Variants in SLC44A1 observed in about 807,000 individuals in gnomAD.
SLC44A1 encodes choline transporter-like protein 1.
A neutral mutation model predicts 79.3 loss-of-function variants in SLC44A1; 26 were observed. The observed-to-expected ratio is 0.33, with a 90% CI of 0.24 to 0.46. The LOEUF (loss-of-function observed/expected upper bound fraction) is 0.46. Ranked by LOEUF, SLC44A1 falls within the 20% of genes least tolerant of loss-of-function variation. SLC44A1 has a pLI of 1.00. For missense variants in SLC44A1, 688 were observed against 798.1 expected, an observed-to-expected ratio of 0.86 and a Z score of 1.66; for synonymous variants, 263 against 286.2, an observed-to-expected ratio of 0.92 and a Z score of 0.82.
Position 105,390,100 on chromosome 9 carries a change from A to G in SLC44A1, c.*1044A>G, listed in dbSNP as rs1230879226. 1.0e-5 allele frequency: 13 copies of G among 1,270,010 alleles called. No individual in the cohort carries two copies. The highest frequency in any genetic ancestry group is 3.1e-5 in the African/African-American group (2 of 65,120). The allele number at this position is 1,270,010 out of a possible 1,614,324, so 78.7% of individuals were successfully genotyped here. A position where few individuals can be genotyped will look rare whatever the true frequency, so the allele number is the denominator to read the frequency against. On this transcript the variant is annotated 3_prime_UTR_variant, in exon 16 of 16. Transcript: ENST00000374720. The stretch of plus-strand genomic sequence containing the variant: ...CTCCTTGGCAATTCATTGAGTATCC[A>G]GAGTTCTACGATGTTTAACTGAAGA...
chr9:105,329,181 C>G (rs1826674910), intron 3 of SLC44A1, among the ~76,000 whole-genome samples: 1 of 152,140 alleles, frequency 6.6e-6, no homozygotes, highest in African/African-American at 2.4e-5. Context: ...CGGCAACACT[C>G]TCTGTGGAAA....
At chr9:105,387,936 T>G (rs1828673688) in intron 15 of SLC44A1, among the ~76,000 whole-genome samples, 1 of 152,214 alleles carries the variant, frequency 6.6e-6, no homozygotes, top group East Asian at 1.9e-4. Flanking sequence ...TATTTTCAGT[T>G]TTGAAATAGT....
At chr9:105,347,214 A>G (rs1827269223) in intron 4 of SLC44A1, among the ~76,000 whole-genome samples, 1 of 151,992 alleles carries the variant, frequency 6.6e-6, no homozygotes, top group African/African-American at 2.4e-5. Context: ...TTCACATTAT[A>G]TTTTAAGATT....
chr9:105,412,971 C>T (rs1052957927), intron 15 of SLC44A1, among the ~76,000 whole-genome samples: 2 of 152,038 alleles, frequency 1.3e-5, no homozygotes, highest in Non-Finnish European at 2.9e-5. Context: ...TTTTCAGAGA[C>T]AAGCCTAGAG....
intron 15 of SLC44A1, among the ~76,000 whole-genome samples, chr9:105,410,103 A>G (rs924631519): frequency 2.0e-5 from 3 of 152,242 alleles, no homozygotes; most frequent in Non-Finnish European, 4.4e-5. Context: ...ATAGACCTAA[A>G]TATAAGAGCT....
intron 1 of SLC44A1, among the ~76,000 whole-genome samples, chr9:105,294,001 T>C (rs1830661965): frequency 6.6e-6 from 1 of 152,154 alleles, no homozygotes; most frequent in African/African-American, 2.4e-5. Context: ...GTGTTACACA[T>C]TGTTCCTCCC....
At chr9:105,289,124 C>T (rs905457282) in intron 1 of SLC44A1, among the ~76,000 whole-genome samples, 3 of 152,092 alleles carry the variant, frequency 2.0e-5, no homozygotes, top group African/African-American at 7.2e-5. Context: ...GCGGTAAGGC[C>T]GTCTGTTCTA....
chr9:105,316,569 A>T (rs1034640819), intron 3 of SLC44A1, among the ~76,000 whole-genome samples: 4 of 152,188 alleles, frequency 2.6e-5, no homozygotes, highest in Non-Finnish European at 5.9e-5. Flanking sequence ...CGATATATAC[A>T]TTACTTGGGT....
At chr9:105,423,697 C>G (rs1299697403) in intron 15 of SLC44A1, among the ~76,000 whole-genome samples, 1 of 152,206 alleles carries the variant, frequency 6.6e-6, no homozygotes, top group East Asian at 1.9e-4. Context: ...AATAGTAACA[C>G]TGTTAAACCA....
At chr9:105,324,307 G>T (rs1384606422) in intron 3 of SLC44A1, among the ~76,000 whole-genome samples, 1 of 151,282 alleles carries the variant, frequency 6.6e-6, no homozygotes, top group Admixed American at 6.6e-5. Context: ...TGGGAGTGCA[G>T]TGGGGTGATC....
intron 2 of SLC44A1, among the ~76,000 whole-genome samples, chr9:105,307,774 T>C (rs1831072243): frequency 6.6e-6 from 1 of 152,252 alleles, no homozygotes; most frequent in Non-Finnish European, 1.5e-5. Context: ...AATGGTATGC[T>C]GATTCACACA....
At position 105,374,541 on chromosome 9, in the gene SLC44A1, A is replaced by G. The variant is rs191970747; in HGVS notation, c.1495-57A>G. 364 of 1,565,446 alleles carry G rather than the reference A, an allele frequency of 2.3e-4. 1 individual carries two copies. Among genetic ancestry groups the G allele is most frequent in the Middle Eastern group, 6.8e-4 (4 of 5,874 alleles). On this transcript the variant is annotated intron_variant, in intron 12 of 15. Coordinates refer to ENST00000374720, the MANE Select transcript of SLC44A1 (RefSeq NM_080546.5). ...TATGTTTTAGCTATGCTCAGTTTCT[A>G]TCTTAACAAAGGAAGTTTCAATTGT...
chr9:105,254,269 G>C (rs188760213), intron 1 of SLC44A1, among the ~76,000 whole-genome samples: 1 of 152,224 alleles, frequency 6.6e-6, no homozygotes, highest in African/African-American at 2.4e-5. Context: ...AGATGGCTAT[G>C]GCTCTTCTTA....
intron 15 of SLC44A1, among the ~76,000 whole-genome samples, chr9:105,428,322 A>G (rs1829348701): frequency 6.6e-6 from 1 of 152,210 alleles, no homozygotes; most frequent in Non-Finnish European, 1.5e-5. Context: ...ACTTATTAAT[A>G]GCTAGAAATA....
chr9:105,249,629 A>G (rs1829534054), intron 1 of SLC44A1, among the ~76,000 whole-genome samples: 1 of 150,194 alleles, frequency 6.7e-6, no homozygotes, highest in African/African-American at 2.5e-5. Context: ...GGTTCAAGTG[A>G]TTCTACTGCC....
rs576682510 is a variant in SLC44A1 at position 105,356,942 on chromosome 9, A to T, written c.670+561A>T. ...CAAAAATGTTATTTTCAAGATTAAA[A>T]CTCCCTATATTATTCTAGAACTATA... On this transcript the variant is annotated intron_variant, in intron 6 of 15. Coordinates refer to ENST00000374720, the MANE Select transcript of SLC44A1 (RefSeq NM_080546.5). Among the ~76,000 whole-genome samples, 97 of 152,196 alleles carry T rather than the reference A, an allele frequency of 6.4e-4. No homozygotes were observed. The Middle Eastern group carries it at 0.014, about 21-fold the overall frequency.
intron 15 of SLC44A1, among the ~76,000 whole-genome samples, chr9:105,416,146 C>T (rs1829167964): frequency 6.6e-6 from 1 of 152,098 alleles, no homozygotes; most frequent in Admixed American, 6.5e-5. Flanking sequence ...ATCCACCCAT[C>T]TTGGCCTCCC....
intron 1 of SLC44A1, among the ~76,000 whole-genome samples, chr9:105,298,056 T>C (rs958639758): frequency 6.6e-6 from 1 of 152,078 alleles, no homozygotes; most frequent in Non-Finnish European, 1.5e-5. Flanking sequence ...TTCAGTTAGA[T>C]TTCCATTAAA....
intron 4 of SLC44A1, among the ~76,000 whole-genome samples, chr9:105,347,850 G>A (rs1177350903): frequency 6.6e-6 from 1 of 151,950 alleles, no homozygotes; most frequent in African/African-American, 2.4e-5. Flanking sequence ...TGCATTAATT[G>A]TAAGCATTTA....
Sources: allele counts gnomAD v4.1 joint callset (sites outside exome capture counted in the v4.1 genomes callset), GRCh38; gene constraint gnomAD v4.1.1; transcripts MANE v1.5; gene names NCBI Gene and HGNC (gene_info 2026-07-23, HGNC 2026-07-21).